Variants in HDAC9 observed in about 807,000 individuals in gnomAD.
HDAC9 encodes histone deacetylase 9.
In HDAC9, 41 loss-of-function variants were observed where a neutral mutation model predicts 139.4. The ratio of observed to expected loss-of-function variants is 0.29; its 90% CI spans 0.23 to 0.38. The LOEUF is 0.38. Ranked by LOEUF, HDAC9 falls within the 10% of genes least tolerant of loss-of-function variation. The pLI is 1.00. For missense variants in HDAC9, 1,147 were observed against 1,297.0 expected (o/e 0.88, Z 1.78); for synonymous variants, 517 against 476.2 (o/e 1.09, Z -1.12).
intron 1 of HDAC9, among the ~76,000 whole-genome samples, chr7:18,484,844 C>T (rs1384573034): frequency 6.8e-6 from 1 of 146,172 alleles, no homozygotes; most frequent in African/African-American, 2.5e-5. Flanking sequence ...CAGAGCAAGA[C>T]CCCACCTGTA....
intron 2 of HDAC9, among the ~76,000 whole-genome samples, chr7:18,520,871 C>CTT (rs146377243): frequency 6.6e-6 from 1 of 152,260 alleles, no homozygotes; most frequent in African/African-American, 2.4e-5. Context: ...GAGTTTCCTG[C>CTT]TTTAGCCATA....
intron 1 of HDAC9, among the ~76,000 whole-genome samples, chr7:18,465,776 C>T (rs1180423200): frequency 6.6e-6 from 1 of 152,158 alleles, no homozygotes; most frequent in Non-Finnish European, 1.5e-5. Flanking sequence ...AGTTACTAAG[C>T]TTCTACCCCT....
intron 13 of HDAC9, among the ~76,000 whole-genome samples, chr7:18,733,149 ATATATACACG>A (rs1786508787): frequency 6.8e-6 from 1 of 147,636 alleles, no homozygotes; most frequent in African/African-American, 2.5e-5. Flanking sequence ...ATGTATACAC[ATATATACACG>A]TGTATACACA....
At chr7:18,136,000 T>C (rs1274542871) in intron 1 of HDAC9, among the ~76,000 whole-genome samples, 3 of 139,614 alleles carry the variant, frequency 2.1e-5, no homozygotes, top group African/African-American at 8.8e-5. Context: ...CCATTCTAAC[T>C]GGTGTGAGAT....
At chr7:18,195,063 T>G (rs1790629492) in intron 2 of HDAC9, among the ~76,000 whole-genome samples, 1 of 152,132 alleles carries the variant, frequency 6.6e-6, no homozygotes, top group Non-Finnish European at 1.5e-5. Context: ...ACTCTGCCAC[T>G]GGTCACAAAC....
intron 6 of HDAC9, among the ~76,000 whole-genome samples, chr7:18,612,030 A>G (rs1464528911): frequency 6.6e-6 from 1 of 152,158 alleles, no homozygotes; most frequent in East Asian, 1.9e-4. Flanking sequence ...CTGATTATTG[A>G]CAGAATTCTG....
intron 2 of HDAC9, among the ~76,000 whole-genome samples, chr7:18,277,410 G>C (rs895006939): frequency 6.6e-6 from 1 of 152,182 alleles, no homozygotes; most frequent in Non-Finnish European, 1.5e-5. Context: ...GTGCAAATTG[G>C]AAGAGTGGAA....
At chr7:18,314,222 A>G (rs1562868344) in intron 1 of HDAC9, among the ~76,000 whole-genome samples, 1 of 152,182 alleles carries the variant, frequency 6.6e-6, no homozygotes, top group African/African-American at 2.4e-5. Context: ...AGGCCATTGT[A>G]TTCTAGAGAT....
At chr7:18,587,018 C>T (rs973667163) in intron 3 of HDAC9, among the ~76,000 whole-genome samples, 2 of 152,056 alleles carry the variant, frequency 1.3e-5, no homozygotes, top group Admixed American at 6.6e-5. Context: ...TTTCACCATA[C>T]TTTAAGATGT....
At chr7:18,758,739 T>C (rs1789103151) in intron 14 of HDAC9, among the ~76,000 whole-genome samples, 1 of 152,106 alleles carries the variant, frequency 6.6e-6, no homozygotes, top group South Asian at 2.1e-4. Flanking sequence ...CTCTGTGAGA[T>C]ACAAATTTCA....
chr7:18,934,595 T>A (rs1781491869), intron 22 of HDAC9, among the ~76,000 whole-genome samples: 2 of 152,052 alleles, frequency 1.3e-5, no homozygotes, highest in African/African-American at 4.8e-5. Context: ...TAAGTTAAAT[T>A]AGAAATAGAA....
In HDAC9 at chr7:18,668,261, A is replaced by G. The variant is rs1034344675; in HGVS notation, c.1731+1785A>G. The G allele has an allele frequency of 5.2e-6, 5 of 955,996 alleles. No homozygotes were observed. The African/African-American group carries it at 5.3e-5, about 10-fold the overall frequency. 59.2% of individuals were successfully genotyped at this position (955,996 alleles called of 1,614,324 possible). ...TGATAATTTGACAAATAGCTATAAT[A>G]GGAACACTCCCTATCACCAACATAT... On this transcript the variant is annotated intron_variant, in intron 12 of 25. Transcript: ENST00000686413.
chr7:18,926,839 C>T (rs1349649158), intron 22 of HDAC9, among the ~76,000 whole-genome samples: 1 of 152,122 alleles, frequency 6.6e-6, no homozygotes, highest in African/African-American at 2.4e-5. Context: ...AACTTACCTC[C>T]TGGAGCATCA....
At chr7:18,819,529 A>T (rs1441381826) in intron 17 of HDAC9, among the ~76,000 whole-genome samples, 1 of 152,174 alleles carries the variant, frequency 6.6e-6, no homozygotes, top group East Asian at 1.9e-4. Context: ...TTGCATATAG[A>T]CTATGCCATA....
intron 2 of HDAC9, among the ~76,000 whole-genome samples, chr7:18,245,796 G>C (rs114284739): frequency 6.6e-6 from 1 of 152,050 alleles, no homozygotes; most frequent in African/African-American, 2.4e-5. Context: ...AGGGAGTTTT[G>C]TGCTCGTTTG....
At chr7:18,162,300 A>G in exon 2 of HDAC9, 4 of 1,534,676 alleles carry the variant, frequency 2.6e-6, no homozygotes, top group Non-Finnish European at 3.5e-6. Context: ...TCTGCATCCT[A>G]GTCTTAGCAG....
At chr7:18,091,433 C>T (rs2128058551) in intron 1 of HDAC9, among the ~76,000 whole-genome samples, 1 of 152,212 alleles carries the variant, frequency 6.6e-6, no homozygotes, top group Non-Finnish European at 1.5e-5. Flanking sequence ...AGTTCTAGTA[C>T]AGTAGTGATG....
At chr7:18,802,640 T>A (rs1429365651) in intron 17 of HDAC9, among the ~76,000 whole-genome samples, 2 of 151,726 alleles carry the variant, frequency 1.3e-5, no homozygotes, top group African/African-American at 4.8e-5. Context: ...GATTTTTTTA[T>A]CTTTATGGAA....
intron 24 of HDAC9, among the ~76,000 whole-genome samples, chr7:18,958,708 G>T (rs1338607702): frequency 6.6e-6 from 1 of 152,108 alleles, no homozygotes; most frequent in Non-Finnish European, 1.5e-5. Flanking sequence ...GTCTGTCAAT[G>T]TTTGCCACAT....
Sources: gnomAD v4.1 joint callset for allele counts (sites outside exome capture counted in the v4.1 genomes callset) on GRCh38, gnomAD v4.1.1 for gene constraint, MANE v1.5 for transcripts, NCBI Gene and HGNC (gene_info 2026-07-23, HGNC 2026-07-21) for gene names.